ARAP2: variants seen among roughly 807,000 people sequenced by gnomAD.
ARAP2 encodes ArfGAP with RhoGAP domain, ankyrin repeat and PH domain 2.
ARAP2 carries 148 observed loss-of-function variants against 194.5 expected under a neutral mutation model. The observed-to-expected ratio is 0.76, with a 90% CI of 0.67 to 0.87. The LOEUF (loss-of-function observed/expected upper bound fraction) is 0.87, where lower values mean the gene tolerates loss of function less well. Ranked by LOEUF, ARAP2 falls within the 40% of genes least tolerant of loss-of-function variation. The probability of loss-of-function intolerance (pLI) is 0.00; values close to 1 mark genes in which losing one functional copy is unlikely to be tolerated. For synonymous variants in ARAP2, 695 were observed against 683.5 expected (o/e 1.02, Z -0.26); for missense variants, 2,128 against 1,989.7 (o/e 1.07, Z -1.32).
chr4:36,027,817 T>A (rs1718193494), intron 5 of ARAP2, among the ~76,000 whole-genome samples: 1 of 152,130 alleles, frequency 6.6e-6, no homozygotes, highest in South Asian at 2.1e-4. Context: ...TTAACAATAA[T>A]TCCTTGTTAG....
chr4:36,043,924 GAA>G (rs1315645278), intron 5 of ARAP2, among the ~76,000 whole-genome samples: 7 of 150,644 alleles, frequency 4.6e-5, no homozygotes, highest in Non-Finnish European at 1.0e-4. Flanking sequence ...AAAAGAGAAA[GAA>G]AGAGAGAAAG....
chr4:36,118,417 G>A (rs559732705), intron 24 of ARAP2, among the ~76,000 whole-genome samples: 2 of 150,982 alleles, frequency 1.3e-5, no homozygotes, highest in South Asian at 4.1e-4. Context: ...AAATACTCCA[G>A]AAGACAGTTT....
intron 32 of ARAP2, among the ~76,000 whole-genome samples, chr4:36,073,116 G>A (rs532544398): frequency 1.3e-5 from 2 of 152,102 alleles, no homozygotes; most frequent in East Asian, 1.9e-4. Flanking sequence ...GTTCTTTGCT[G>A]AAGAGGCCAA....
chr4:36,118,373 CA>C (rs1007632811), intron 24 of ARAP2, among the ~76,000 whole-genome samples: 4 of 146,266 alleles, frequency 2.7e-5, no homozygotes, highest in Non-Finnish European at 6.1e-5. Flanking sequence ...GAAATTCAAA[CA>C]GGGGTAAGAC....
At chr4:36,068,850 G>A (rs1357244040) in intron 32 of ARAP2, among the ~76,000 whole-genome samples, 1 of 152,184 alleles carries the variant, frequency 6.6e-6, no homozygotes, top group African/African-American at 2.4e-5. Context: ...TTATTGGTAT[G>A]TAACCCCATC....
chr4:36,202,167 A>G (rs184073142), intron 6 of ARAP2, among the ~76,000 whole-genome samples: 365 of 152,214 alleles, frequency 2.4e-3, no homozygotes, highest in Non-Finnish European at 4.3e-3. Flanking sequence ...CAATCTCCAT[A>G]CGTATTTATT....
intron 2 of ARAP2, among the ~76,000 whole-genome samples, chr4:36,219,480 C>A (rs955367938): frequency 1.3e-5 from 2 of 152,130 alleles, no homozygotes; most frequent in South Asian, 4.1e-4. Context: ...ATAGTGAAAT[C>A]TACAGGTGCC....
intron 9 of ARAP2, among the ~76,000 whole-genome samples, chr4:36,168,305 G>A (rs367661663): frequency 6.6e-6 from 1 of 152,154 alleles, no homozygotes; most frequent in South Asian, 2.1e-4. Flanking sequence ...GAAGCACAGA[G>A]TCATTTTAGA....
At chr4:36,033,673 T>C (rs890595635) in intron 5 of ARAP2, among the ~76,000 whole-genome samples, 2 of 152,186 alleles carry the variant, frequency 1.3e-5, no homozygotes, top group African/African-American at 4.8e-5. Flanking sequence ...TTTTAATTAT[T>C]TGCTTTTTTT....
At chr4:36,115,369 T>C (rs1473497817) in intron 25 of ARAP2, among the ~76,000 whole-genome samples, 1 of 152,004 alleles carries the variant, frequency 6.6e-6, no homozygotes, top group Non-Finnish European at 1.5e-5. Flanking sequence ...AGTAGTTGAA[T>C]CATTTCAGTG....
intron 27 of ARAP2, among the ~76,000 whole-genome samples, chr4:36,095,108 A>G (rs1200648383): frequency 6.6e-6 from 1 of 152,172 alleles, no homozygotes; most frequent in East Asian, 1.9e-4. Flanking sequence ...CTTCCCAGGA[A>G]AACTCTGGCT....
At chr4:36,193,904 G>A (rs963725571) in intron 6 of ARAP2, among the ~76,000 whole-genome samples, 1 of 151,984 alleles carries the variant, frequency 6.6e-6, no homozygotes, top group Non-Finnish European at 1.5e-5. Context: ...TGTAAGGTTC[G>A]GTGCACAACA....
chr4:36,028,932 T>C (rs1213493480), intron 5 of ARAP2, among the ~76,000 whole-genome samples: 1 of 152,044 alleles, frequency 6.6e-6, no homozygotes, highest in Non-Finnish European at 1.5e-5. Flanking sequence ...AGTTTTGTTA[T>C]ACTGTGATTG....
chr4:36,238,769 G>A (rs1752922095), intron 1 of ARAP2, among the ~76,000 whole-genome samples: 1 of 152,204 alleles, frequency 6.6e-6, no homozygotes, highest in Non-Finnish European at 1.5e-5. Flanking sequence ...CAATGGTAAT[G>A]TAGAATTTAG....
chr4:36,124,191 T>C (rs1472295424), intron 22 of ARAP2, among the ~76,000 whole-genome samples: 2 of 151,878 alleles, frequency 1.3e-5, no homozygotes, highest in Non-Finnish European at 2.9e-5. Context: ...GTACTTTTAG[T>C]AAAATTCAGC....
chr4:36,026,249 G>A (rs963327696), intron 5 of ARAP2, among the ~76,000 whole-genome samples: 1 of 152,162 alleles, frequency 6.6e-6, no homozygotes, highest in Non-Finnish European at 1.5e-5. Flanking sequence ...AATGCCTGGC[G>A]AATTCCTAAC....
chr4:36,239,210 AG>A (rs148665593), intron 1 of ARAP2, among the ~76,000 whole-genome samples: 3,165 of 152,124 alleles, frequency 0.021, 85 homozygotes, highest in African/African-American at 0.07. Context: ...CAGTGGGCGG[AG>A]GTTGCAGTGA....
At chr4:36,205,243 A>T (rs985685947) in intron 6 of ARAP2, among the ~76,000 whole-genome samples, 1 of 152,060 alleles carries the variant, frequency 6.6e-6, no homozygotes, top group Non-Finnish European at 1.5e-5. Context: ...GGTTAAAATG[A>T]ATAAATATGA....
chr4:36,077,606 A>G (rs1315658334), intron 31 of ARAP2, among the ~76,000 whole-genome samples: 1 of 152,028 alleles, frequency 6.6e-6, no homozygotes, highest in East Asian at 1.9e-4. Context: ...TTGTCTTACC[A>G]TATTCATTAC....
Sources: allele counts gnomAD v4.1 joint callset (sites outside exome capture counted in the v4.1 genomes callset), GRCh38; gene constraint gnomAD v4.1.1; transcripts MANE v1.5; gene names NCBI Gene and HGNC (gene_info 2026-07-23, HGNC 2026-07-21).